Variants in PCDHA11 observed in about 807,000 individuals in gnomAD.
PCDHA11 encodes the protein protocadherin alpha-11.
A neutral mutation model predicts 70.3 loss-of-function variants in PCDHA11; 61 were observed. That is an observed-to-expected ratio of 0.87 (90% CI 0.71 to 1.07). The LOEUF (loss-of-function observed/expected upper bound fraction) is 1.07. Ranked by LOEUF, PCDHA11 falls within the 50% of genes least tolerant of loss-of-function variation. The pLI, the probability that PCDHA11 is intolerant of heterozygous loss-of-function variation, is 0.00. For missense variants in PCDHA11, 1,324 were observed against 1,237.5 expected (o/e 1.07, Z -1.05); for synonymous variants, 633 against 555.1 (o/e 1.14, Z -1.97).
At position 140,877,488 on chromosome 5, in the gene PCDHA11, C is replaced by G. The variant is rs781785108; in HGVS notation, c.2391+5994C>G. ...CGGTGCTGGTGTCGCTGGTGGAGAA[C>G]GGCCAGGCCCCAAAGACGTCGTCGC... On this transcript the variant is annotated intron_variant, in intron 1 of 3. Transcript: ENST00000398640. 6.2e-6 allele frequency: 10 copies of G among 1,613,856 alleles called. No homozygotes were observed. In the South Asian group the frequency reaches 1.1e-4, roughly 18 times the overall value.
intron 1 of PCDHA11, among the ~76,000 whole-genome samples, chr5:140,960,594 G>A (rs1341832093): frequency 6.6e-6 from 1 of 152,042 alleles, no homozygotes; most frequent in African/African-American, 2.4e-5. Flanking sequence ...CAAATTCAAG[G>A]TACTTCAACA....
At chr5:140,949,670 T>G (rs1218670800) in intron 1 of PCDHA11, among the ~76,000 whole-genome samples, 2 of 151,862 alleles carry the variant, frequency 1.3e-5, no homozygotes, top group African/African-American at 4.8e-5. Flanking sequence ...CTTTAAAGTA[T>G]GCCCTTGTTG....
chr5:140,926,954 A>T, intron 1 of PCDHA11: 1 of 1,597,602 alleles, frequency 6.3e-7, no homozygotes, highest in Non-Finnish European at 8.6e-7. Flanking sequence ...GCAGCGGGAC[A>T]GCTCGAGTAC....
chr5:140,939,562 G>C (rs1584985766), intron 1 of PCDHA11, among the ~76,000 whole-genome samples: 1 of 152,158 alleles, frequency 6.6e-6, no homozygotes, highest in Middle Eastern at 3.4e-3. Flanking sequence ...TATTAGTTTG[G>C]TTAATCAAAA....
intron 1 of PCDHA11, chr5:140,883,938 A>C (rs782647232): frequency 6.2e-7 from 1 of 1,613,360 alleles, no homozygotes; most frequent in East Asian, 2.2e-5. Context: ...TTCGTGCTGG[A>C]CGAGAACGAC....
chr5:140,969,019 G>A (rs782394566), intron 1 of PCDHA11: 61 of 1,614,046 alleles, frequency 3.8e-5, no homozygotes, highest in Non-Finnish European at 4.7e-5. Flanking sequence ...TAAGGGAAAG[G>A]TCCCCTGCAG....
chr5:140,871,823 C>T (rs900166925), intron 1 of PCDHA11, among the ~76,000 whole-genome samples: 1 of 152,144 alleles, frequency 6.6e-6, no homozygotes, highest in African/African-American at 2.4e-5. Context: ...TACCCATGCC[C>T]CTTCATCTCT....
At chr5:140,955,470 G>C (rs1459601597) in intron 1 of PCDHA11, among the ~76,000 whole-genome samples, 2 of 151,850 alleles carry the variant, frequency 1.3e-5, no homozygotes, top group African/African-American at 4.8e-5. Context: ...CTTTTTGCTT[G>C]GCACCTCTCC....
chr5:141,007,437 A>G (rs913587541), intron 3 of PCDHA11, among the ~76,000 whole-genome samples: 2 of 150,734 alleles, frequency 1.3e-5, no homozygotes, highest in Non-Finnish European at 2.9e-5. Context: ...GCATGGTGGC[A>G]TGTGCCTGTA....
intron 1 of PCDHA11, among the ~76,000 whole-genome samples, chr5:140,880,485 G>T (rs957327401): frequency 6.6e-6 from 1 of 152,190 alleles, no homozygotes; most frequent in Non-Finnish European, 1.5e-5. Flanking sequence ...GACACAAGAA[G>T]AGAGCAATTG....
intron 1 of PCDHA11, among the ~76,000 whole-genome samples, chr5:140,880,555 T>C (rs1250449659): frequency 1.3e-5 from 2 of 152,134 alleles, no homozygotes; most frequent in Admixed American, 6.6e-5. Context: ...CTGATGGAAA[T>C]GAGGTTGAGA....
chr5:140,999,406 G>C (rs1459713118), intron 3 of PCDHA11, among the ~76,000 whole-genome samples: 1 of 152,166 alleles, frequency 6.6e-6, no homozygotes, highest in Non-Finnish European at 1.5e-5. Context: ...GCATATGAAA[G>C]AATGGGAGCT....
intron 1 of PCDHA11, among the ~76,000 whole-genome samples, chr5:140,907,844 C>T (rs1402744978): frequency 1.3e-5 from 2 of 152,218 alleles, no homozygotes; most frequent in African/African-American, 4.8e-5. Context: ...TATTAAAATC[C>T]TCCTCTGCTG....
chr5:140,934,688 A>G (rs1554210048), intron 1 of PCDHA11, among the ~76,000 whole-genome samples: 2 of 152,186 alleles, frequency 1.3e-5, no homozygotes, highest in African/African-American at 4.8e-5. Flanking sequence ...CAAAACAATG[A>G]ATTGATTCCT....
chr5:140,901,352 G>T (rs1426715966), intron 1 of PCDHA11, among the ~76,000 whole-genome samples: 2 of 152,138 alleles, frequency 1.3e-5, no homozygotes, highest in East Asian at 3.8e-4. Flanking sequence ...TGATGTCTTA[G>T]ATTTAAGTCT....
intron 1 of PCDHA11, among the ~76,000 whole-genome samples, chr5:140,978,211 A>T (rs185344384): frequency 1.3e-5 from 2 of 152,340 alleles, no homozygotes; most frequent in African/African-American, 4.8e-5. Flanking sequence ...AACTAATGCA[A>T]AATGTATCAG....
intron 1 of PCDHA11, among the ~76,000 whole-genome samples, chr5:140,917,362 A>G (rs552053034): frequency 2.2e-4 from 32 of 142,394 alleles, no homozygotes; most frequent in Admixed American, 1.7e-3. Flanking sequence ...CTGTTCCACT[A>G]TCTTGCTCCA....
At chr5:140,985,127 C>T (rs986497777) in intron 3 of PCDHA11, among the ~76,000 whole-genome samples, 7 of 152,152 alleles carry the variant, frequency 4.6e-5, no homozygotes, top group Non-Finnish European at 1.0e-4. Flanking sequence ...TTAGTAAAGA[C>T]GGGGTTTCAC....
intron 1 of PCDHA11, chr5:140,883,711 C>T (rs1554179442): frequency 2.5e-6 from 4 of 1,613,576 alleles, no homozygotes; most frequent in Non-Finnish European, 3.4e-6. Flanking sequence ...CTGCTCAGGA[C>T]GCGGACGCAC....
Sources: allele counts gnomAD v4.1 joint callset (sites outside exome capture counted in the v4.1 genomes callset), GRCh38; gene constraint gnomAD v4.1.1; transcripts MANE v1.5; gene names NCBI Gene and HGNC (gene_info 2026-07-23, HGNC 2026-07-21).